Variants in DRC11 observed in about 807,000 individuals in gnomAD.
DRC11 encodes dynein regulatory complex subunit 11.
the DRC11 span, chr2:236,493,659 T>G: frequency 6.6e-6 from 6 of 908,394 alleles, no homozygotes; most frequent in Admixed American, 3.0e-5. Context: ...GAGGGATCAT[T>G]CTCTGCTTAA....
At chr2:236,401,673 G>A in the DRC11 span, among the ~76,000 whole-genome samples, 3 of 152,192 alleles carry the variant, frequency 2.0e-5, no homozygotes, top group East Asian at 1.9e-4. The surrounding 1 kb of genome is among the most constrained non-coding windows in gnomAD (Gnocchi z 4.6). Context: ...AGAACCAAAA[G>A]GCCTCACAGT....
At chr2:236,404,593 T>A in the DRC11 span, among the ~76,000 whole-genome samples, 1 of 152,214 alleles carries the variant, frequency 6.6e-6, no homozygotes, top group South Asian at 2.1e-4. Flanking sequence ...GCCGGTAACC[T>A]CCTTGGCCTT....
the DRC11 span, among the ~76,000 whole-genome samples, chr2:236,351,591 CCTT>C: frequency 6.6e-6 from 1 of 152,152 alleles, no homozygotes; most frequent in Non-Finnish European, 1.5e-5. The surrounding 1 kb of genome is among the most constrained non-coding windows in gnomAD (Gnocchi z 7.3). Flanking sequence ...GAATTTTGAT[CCTT>C]TTTATGTTAC....
the DRC11 span, among the ~76,000 whole-genome samples, chr2:236,393,944 C>A: frequency 6.6e-6 from 1 of 152,100 alleles, no homozygotes; most frequent in African/African-American, 2.4e-5. The surrounding 1 kb of genome is among the most constrained non-coding windows in gnomAD (Gnocchi z 4.7). Flanking sequence ...ATGAAAATAA[C>A]CCCTTCCTCA....
chr2:236,404,221 A>G, the DRC11 span, among the ~76,000 whole-genome samples: 3 of 152,114 alleles, frequency 2.0e-5, no homozygotes, highest in African/African-American at 7.2e-5. Flanking sequence ...AAGAAAAAAA[A>G]TCCAATGCCC....
the DRC11 span, chr2:236,343,646 C>G: frequency 2.8e-6 from 3 of 1,089,540 alleles, no homozygotes; most frequent in Admixed American, 2.3e-5. The surrounding 1 kb of genome is among the most constrained non-coding windows in gnomAD (Gnocchi z 6.6). Flanking sequence ...CTGCATTTCT[C>G]TTAGACGTGG....
chr2:236,505,254 G>A, the DRC11 span, among the ~76,000 whole-genome samples: 1 of 152,138 alleles, frequency 6.6e-6, no homozygotes, highest in Non-Finnish European at 1.5e-5. Context: ...GAGTGGGTAG[G>A]GGAGGGAAAC....
chr2:236,421,171 C>T, the DRC11 span, among the ~76,000 whole-genome samples: 25 of 152,210 alleles, frequency 1.6e-4, no homozygotes, highest in African/African-American at 5.8e-4. Context: ...AGAGCAAACA[C>T]ATTCAAAAGC....
chr2:236,399,511 G>A, the DRC11 span: 81 of 1,601,324 alleles, frequency 5.1e-5, 1 homozygote, highest in South Asian at 4.7e-4. The surrounding 1 kb of genome is among the most constrained non-coding windows in gnomAD (Gnocchi z 7.0). Context: ...GAATATTTTC[G>A]TTAATCTCAG....
chr2:236,443,480 AGT>A, the DRC11 span, among the ~76,000 whole-genome samples: 2 of 152,140 alleles, frequency 1.3e-5, no homozygotes, highest in Admixed American at 1.3e-4. This position sits in a 1 kb window ranked among gnomAD's most constrained non-coding sequence, Gnocchi z 4.4. Context: ...GAGAACATGC[AGT>A]GTTTGGTTTT....
chr2:236,357,703 T>C, the DRC11 span, among the ~76,000 whole-genome samples: 23 of 117,520 alleles, frequency 2.0e-4, no homozygotes, highest in Non-Finnish European at 3.7e-4. Context: ...ATATCTGATA[T>C]GTAAATATGT....
the DRC11 span, among the ~76,000 whole-genome samples, chr2:236,316,221 T>C: frequency 6.6e-6 from 1 of 151,848 alleles, no homozygotes; most frequent in Non-Finnish European, 1.5e-5. The surrounding 1 kb of genome is among the most constrained non-coding windows in gnomAD (Gnocchi z 6.8). Context: ...GGAGTGCAAT[T>C]GTGCGATCTT....
the DRC11 span, among the ~76,000 whole-genome samples, chr2:236,345,979 G>T: frequency 6.6e-6 from 1 of 152,228 alleles, no homozygotes; most frequent in Admixed American, 6.5e-5. Flanking sequence ...AGCAGATTAT[G>T]CGCCTTCAAA....
chr2:236,437,840 T>C, the DRC11 span, among the ~76,000 whole-genome samples: 2 of 151,066 alleles, frequency 1.3e-5, no homozygotes, highest in Non-Finnish European at 3.0e-5. Flanking sequence ...TTCTGGATAT[T>C]AGCCCTTTGT....
At chr2:236,346,940 G>A in the DRC11 span, among the ~76,000 whole-genome samples, 3 of 152,206 alleles carry the variant, frequency 2.0e-5, no homozygotes, top group Admixed American at 6.5e-5. Context: ...TAAGGGAGGA[G>A]CATCTCAAGT....
the DRC11 span, among the ~76,000 whole-genome samples, chr2:236,335,005 G>A: frequency 0.041 from 6,192 of 151,278 alleles, 407 homozygotes; most frequent in African/African-American, 0.14. The surrounding 1 kb of genome is among the most constrained non-coding windows in gnomAD (Gnocchi z 5.6). Context: ...AGCTTGGTCT[G>A]GGGGAAAGAA....
chr2:236,309,591 T>C, the DRC11 span, among the ~76,000 whole-genome samples: 4 of 152,230 alleles, frequency 2.6e-5, no homozygotes, highest in Non-Finnish European at 5.9e-5. This position sits in a 1 kb window ranked among gnomAD's most constrained non-coding sequence, Gnocchi z 5.7. Context: ...GAATAGCTTA[T>C]TTCCTGTTAG....
At chr2:236,363,931 A>G in the DRC11 span, 3 of 1,614,006 alleles carry the variant, frequency 1.9e-6, no homozygotes, top group Non-Finnish European at 2.5e-6. This position sits in a 1 kb window ranked among gnomAD's most constrained non-coding sequence, Gnocchi z 5.6. Flanking sequence ...CGGCCCGGCT[A>G]ACAGTAGCGA....
the DRC11 span, among the ~76,000 whole-genome samples, chr2:236,447,111 G>A: frequency 6.6e-6 from 1 of 151,608 alleles, no homozygotes; most frequent in Non-Finnish European, 1.5e-5. The surrounding 1 kb of genome is among the most constrained non-coding windows in gnomAD (Gnocchi z 4.6). Flanking sequence ...TCCCAGCCTG[G>A]CTCTTCAAGA....
Sources: gnomAD v4.1 joint callset for allele counts (sites outside exome capture counted in the v4.1 genomes callset) on GRCh38, gnomAD v4.1.1 for gene constraint, Gnocchi (gnomAD v3.1) non-coding constraint, MANE v1.5 for transcripts, NCBI Gene and HGNC (gene_info 2026-07-23, HGNC 2026-07-21) for gene names.